ZHX2: variants seen among roughly 807,000 people sequenced by gnomAD.
The protein encoded by ZHX2 is zinc fingers and homeoboxes 2.
In ZHX2, 6 loss-of-function variants were observed where a neutral mutation model predicts 21.9. The observed-to-expected ratio is 0.27, with a 90% CI of 0.15 to 0.54. The LOEUF is 0.54. ZHX2 is among the 20% of genes least tolerant of loss of function. ZHX2 has a pLI of 0.95. For synonymous variants in ZHX2, 434 were observed against 437.1 expected (o/e 0.99, Z 0.09); for missense variants, 908 against 1,090.7 (o/e 0.83, Z 2.36).
intron 1 of ZHX2, among the ~76,000 whole-genome samples, chr8:122,858,102 C>A (rs1224148619): frequency 6.6e-6 from 1 of 152,190 alleles, no homozygotes; most frequent in Non-Finnish European, 1.5e-5. Flanking sequence ...CCCACGGAAG[C>A]CGCTTGTAGC....
intron 1 of ZHX2, among the ~76,000 whole-genome samples, chr8:122,831,263 GC>G (rs35969921): frequency 0.13 from 20,314 of 152,162 alleles, 1,529 homozygotes; most frequent in East Asian, 0.22. Context: ...CTGGCCTCGG[GC>G]TTGGTGGGTA....
chr8:122,798,363 T>A (rs1230505054), intron 1 of ZHX2, among the ~76,000 whole-genome samples: 1 of 152,150 alleles, frequency 6.6e-6, no homozygotes, highest in Admixed American at 6.5e-5. Context: ...TTATTCTCCA[T>A]TGAAGTTCCC....
At chr8:122,852,902 C>T (rs1207589841) in intron 1 of ZHX2, among the ~76,000 whole-genome samples, 1 of 151,998 alleles carries the variant, frequency 6.6e-6, no homozygotes, top group East Asian at 1.9e-4. Flanking sequence ...TCTGTGTGGG[C>T]AAAGGAAAAT....
chr8:122,964,963 T>G (rs1364720179), intron 3 of ZHX2, among the ~76,000 whole-genome samples: 1 of 151,954 alleles, frequency 6.6e-6, no homozygotes, highest in Non-Finnish European at 1.5e-5. Context: ...ATCTTTTGTA[T>G]TTCTATGGTA....
chr8:122,961,610 C>T (rs1813446517), intron 3 of ZHX2, among the ~76,000 whole-genome samples: 1 of 152,134 alleles, frequency 6.6e-6, no homozygotes, highest in South Asian at 2.1e-4. Flanking sequence ...GAAGGGGAAG[C>T]AAGGCACCTT....
At chr8:122,789,658 A>G (rs1817472846) in intron 1 of ZHX2, among the ~76,000 whole-genome samples, 1 of 152,164 alleles carries the variant, frequency 6.6e-6, no homozygotes, top group Non-Finnish European at 1.5e-5. Context: ...AGAGGTAGAT[A>G]ATGCAGGGAT....
chr8:122,910,840 G>A (rs1248058613), intron 2 of ZHX2, among the ~76,000 whole-genome samples: 3 of 152,126 alleles, frequency 2.0e-5, no homozygotes, highest in Admixed American at 6.5e-5. Context: ...CATGCATCCC[G>A]TCAAGACCTC....
intron 1 of ZHX2, chr8:122,816,550 A>G (rs569011596): frequency 6.7e-6 from 1 of 149,518 alleles, no homozygotes; most frequent in East Asian, 2.0e-4. Flanking sequence ...GGTTCAAGTG[A>G]TTCTCAATAA....
At chr8:122,830,046 A>T (rs565080114) in intron 1 of ZHX2, among the ~76,000 whole-genome samples, 34 of 152,326 alleles carry the variant, frequency 2.2e-4, no homozygotes, top group Non-Finnish European at 4.9e-4. Context: ...TGAGGCTGAG[A>T]CCTACTTGTA....
At chr8:122,871,894 G>C (rs1030794515) in intron 2 of ZHX2, among the ~76,000 whole-genome samples, 2 of 152,170 alleles carry the variant, frequency 1.3e-5, no homozygotes, top group Admixed American at 6.5e-5. Flanking sequence ...GGAAGGGATA[G>C]ATGTATTGGG....
intron 1 of ZHX2, among the ~76,000 whole-genome samples, chr8:122,814,960 C>T (rs984510266): frequency 6.6e-6 from 1 of 152,102 alleles, no homozygotes; most frequent in African/African-American, 2.4e-5. Context: ...GCATTGTGCC[C>T]AACATAGGCA....
rs1000793580 is a variant in ZHX2 at position 122,922,593 on chromosome 8, C to T, written c.-219-28699C>T. Among the ~76,000 whole-genome samples the T allele has an allele frequency of 2.0e-5, 3 of 152,320 alleles. No homozygotes were observed. In the East Asian group the frequency reaches 5.8e-4, roughly 29 times the overall value. On this transcript the variant is annotated intron_variant, in intron 2 of 3. Transcript: ENST00000314393. ...GGGGGACCTTTGAATAACTAGGCTC[C>T]ACTTTGTTTTAGGACCTTCCTCCTG...
rs753596636 is a variant in ZHX2, at chr8:122,953,851, G to C, written c.2341G>C (p.Gly781Arg). 19 of 1,614,116 alleles carry C rather than the reference G, an allele frequency of 1.2e-5. No homozygotes were observed. In the Admixed American group the frequency reaches 2.0e-4, roughly 17 times the overall value. The part of the protein sequence containing the change: ...RSEGSSRDGQ[G>R]SDENEESSVV... ...AGAGGGCAGCAGCCGGGACGGCCAGGGTAGCGACGAGAACGAGGAGTCGAG... is the reference window on the plus strand; with the variant it reads ...AGAGGGCAGCAGCCGGGACGGCCAGCGTAGCGACGAGAACGAGGAGTCGAG... Residue 781 changes from glycine (G) to arginine (R), a missense_variant, in exon 3 of 4, where the codon GGT becomes CGT. Transcript: ENST00000314393. The surrounding 1 kb of genome is among the most constrained non-coding windows in gnomAD (Gnocchi z 4.6).
At chr8:122,908,305 T>G (rs745864342) in intron 2 of ZHX2, among the ~76,000 whole-genome samples, 1 of 152,220 alleles carries the variant, frequency 6.6e-6, no homozygotes, top group Non-Finnish European at 1.5e-5. Flanking sequence ...GTTCAAGAGA[T>G]TCTCCTGCCT....
chr8:122,887,279 C>T (rs151093055), intron 2 of ZHX2, among the ~76,000 whole-genome samples: 2,477 of 151,124 alleles, frequency 0.016, 60 homozygotes, highest in African/African-American at 0.057. Flanking sequence ...TTTGGGAGGC[C>T]GAGGTGGGTG....
At chr8:122,969,810 C>G (rs1339198720) in intron 3 of ZHX2, among the ~76,000 whole-genome samples, 1 of 152,058 alleles carries the variant, frequency 6.6e-6, no homozygotes, top group Non-Finnish European at 1.5e-5. Context: ...TTACTCACTC[C>G]CAAGTCCCTA....
In ZHX2 at chr8:122,806,071, C is replaced by T. The variant is rs1356833527; in HGVS notation, c.-283+24125C>T. Among the ~76,000 whole-genome samples the T allele has an allele frequency of 2.0e-5, 3 of 152,178 alleles. No individual in the cohort carries two copies. The East Asian group carries it at 5.8e-4, about 29-fold the overall frequency. ...CTTTGCACAGTTTCCTGTTCTTATT[C>T]CTATCAGATTAATCATCACGCACAC... On this transcript the variant is annotated intron_variant, in intron 1 of 3. Transcript: ENST00000314393.
chr8:122,831,286 C>T (rs1010871319), intron 1 of ZHX2, among the ~76,000 whole-genome samples: 4 of 152,114 alleles, frequency 2.6e-5, no homozygotes, highest in Non-Finnish European at 2.9e-5. Flanking sequence ...GAAAAGGCGG[C>T]GGCCAGAGGG....
At chr8:122,898,058 C>T (rs1037395282) in intron 2 of ZHX2, among the ~76,000 whole-genome samples, 1 of 152,020 alleles carries the variant, frequency 6.6e-6, no homozygotes, top group Non-Finnish European at 1.5e-5. Flanking sequence ...TTGTCCACAC[C>T]GTGAAAATAA....
Sources: allele counts gnomAD v4.1 joint callset (sites outside exome capture counted in the v4.1 genomes callset), GRCh38; gene constraint gnomAD v4.1.1; non-coding constraint Gnocchi (gnomAD v3.1); transcripts MANE v1.5; gene names NCBI Gene and HGNC (gene_info 2026-07-23, HGNC 2026-07-21).